HMCN1: variants seen among roughly 807,000 people sequenced by gnomAD.
The protein encoded by HMCN1 is hemicentin-1.
Under a neutral mutation model 625.9 loss-of-function variants are expected in HMCN1, and 321 were observed. The ratio of observed to expected loss-of-function variants is 0.51; its 90% CI spans 0.47 to 0.56. The LOEUF is 0.56. HMCN1 is among the 20% of genes least tolerant of loss of function. The pLI, the probability that HMCN1 is intolerant of heterozygous loss-of-function variation, is 0.00. For synonymous variants in HMCN1, 2,425 were observed against 2,417.6 expected (o/e 1.00, Z -0.09); for missense variants, 6,588 against 6,887.3 (o/e 0.96, Z 1.54).
At chr1:185,804,824 T>C (rs1659062269) in intron 1 of HMCN1, among the ~76,000 whole-genome samples, 1 of 152,124 alleles carries the variant, frequency 6.6e-6, no homozygotes, top group African/African-American at 2.4e-5. Context: ...CCTAAATCCC[T>C]GCTCTTTAAA....
chr1:185,963,218 A>G (rs562715892), intron 12 of HMCN1, among the ~76,000 whole-genome samples: 5 of 152,252 alleles, frequency 3.3e-5, no homozygotes, highest in Admixed American at 2.0e-4. Flanking sequence ...GTATCCAGCC[A>G]TGGGGCTTCC....
intron 15 of HMCN1, among the ~76,000 whole-genome samples, chr1:185,974,768 T>C (rs944551937): frequency 6.6e-6 from 1 of 152,200 alleles, no homozygotes; most frequent in African/African-American, 2.4e-5. Context: ...TTTGCCTTGT[T>C]TTGTGATACC....
At chr1:185,851,903 T>A (rs1325513947) in intron 2 of HMCN1, among the ~76,000 whole-genome samples, 1 of 151,938 alleles carries the variant, frequency 6.6e-6, no homozygotes. Context: ...AAATTGTTGA[T>A]CCCCCAAATC....
chr1:186,162,309 A>C (rs1253875012), intron 97 of HMCN1, among the ~76,000 whole-genome samples: 1 of 151,650 alleles, frequency 6.6e-6, no homozygotes, highest in Admixed American at 6.5e-5. Flanking sequence ...TATTCTAGTT[A>C]TACATTCATC....
At chr1:185,747,764 G>A (rs1654518011) in intron 1 of HMCN1, among the ~76,000 whole-genome samples, 1 of 152,186 alleles carries the variant, frequency 6.6e-6, no homozygotes, top group Non-Finnish European at 1.5e-5. Flanking sequence ...TTTTGACATT[G>A]TATACTCCCA....
chr1:186,160,050 C>T lies in HMCN1; in HGVS notation c.15257-5061C>T, dbSNP rs554468460. 7.2e-3 allele frequency among the ~76,000 whole-genome samples: 1,090 copies of T among 151,188 alleles called. 14 individuals are homozygous for T. Among genetic ancestry groups the T allele is most frequent in the African/African-American group, 0.024 (978 of 40,978 alleles). ...AATTCGGCTGTGAATCCATCTGGTC[C>T]TGGACTCTTTTTGGTTGGTAAGCTA... On this transcript the variant is annotated intron_variant, in intron 97 of 106. Coordinates refer to ENST00000271588, the MANE Select transcript of HMCN1 (RefSeq NM_031935.3).
At position 185,814,851 on chromosome 1, in the gene HMCN1, C is replaced by T. The variant is rs542485692; in HGVS notation, c.269-31175C>T. 6.0e-4 allele frequency among the ~76,000 whole-genome samples: 90 copies of T among 149,440 alleles called. 2 individuals are homozygous for T. Among genetic ancestry groups the T allele is most frequent in the Admixed American group, 1.8e-3 (28 of 15,168 alleles). The stretch of plus-strand genomic sequence containing the variant: ...GGACTACAGGCACACATCACCATGC[C>T]CGGCTAATTTTTGTATTTTTAGTAG... On this transcript the variant is annotated intron_variant, in intron 1 of 106. Coordinates refer to ENST00000271588, the MANE Select transcript of HMCN1 (RefSeq NM_031935.3).
At chr1:185,813,252 G>A (rs1366025883) in intron 1 of HMCN1, among the ~76,000 whole-genome samples, 1 of 152,080 alleles carries the variant, frequency 6.6e-6, no homozygotes, top group African/African-American at 2.4e-5. Flanking sequence ...GTAAATTAAT[G>A]TAATCACTGA....
rs146091862 is a variant in HMCN1 at position 185,888,661 on chromosome 1, G to C, written c.622-20676G>C. On this transcript the variant is annotated intron_variant, in intron 4 of 106. Transcript: ENST00000271588. ...TCTGAGGGCTCTGTTGTGTTCCATT[G>C]ATCTATCTCTCTGTTTTGGTACCAG... Among the ~76,000 whole-genome samples the C allele has an allele frequency of 5.9e-3, 866 of 147,484 alleles. 129 individuals carry two copies. Among genetic ancestry groups the C allele is most frequent in the African/African-American group, 0.022 (818 of 36,906 alleles).
rs763378453 is a variant in HMCN1, at chr1:186,166,794, T to C, written c.15440-14T>C. On this transcript the variant is annotated splice_polypyrimidine_tract_variant and intron_variant, in intron 99 of 106. Transcript: ENST00000271588. ...CTTCAGCTCACCTCAGTTGAATGAT[T>C]CCCTCTGTTGCAGATATTGATGAGT... The C allele has an allele frequency of 6.2e-7, 1 of 1,614,110 alleles. No homozygotes were observed.
chr1:186,136,583 CAAA>C, intron 86 of HMCN1, 82 bp from the exon 87 acceptor site: 1 of 1,277,998 alleles, frequency 7.8e-7, no homozygotes, highest in Admixed American at 1.8e-5. Context: ...TCACTTTTTT[CAAA>C]ATAATGTCGC....
intron 55 of HMCN1, among the ~76,000 whole-genome samples, chr1:186,079,232 C>T (rs1659018721): frequency 6.6e-6 from 1 of 152,168 alleles, no homozygotes; most frequent in Non-Finnish European, 1.5e-5. Flanking sequence ...AGCCGGCTCC[C>T]GTGCATAGCT....
chr1:185,791,964 G>T (rs1298118954), intron 1 of HMCN1, among the ~76,000 whole-genome samples: 2 of 152,176 alleles, frequency 1.3e-5, no homozygotes, highest in Admixed American at 6.5e-5. Flanking sequence ...CTGGTGGGTA[G>T]ATGGATTAAT....
At chr1:185,985,734 G>A (rs973697150) in intron 19 of HMCN1, among the ~76,000 whole-genome samples, 6 of 152,166 alleles carry the variant, frequency 3.9e-5, no homozygotes, top group Non-Finnish European at 7.4e-5. Context: ...ATGCAGCCTA[G>A]CAGCTCTCTA....
intron 1 of HMCN1, among the ~76,000 whole-genome samples, chr1:185,769,335 C>T (rs1656075043): frequency 6.6e-6 from 1 of 152,080 alleles, no homozygotes; most frequent in Non-Finnish European, 1.5e-5. Context: ...GTTGCCCCAG[C>T]TACTCAGAAG....
At chr1:185,922,808 C>G (rs1667067031) in intron 7 of HMCN1, among the ~76,000 whole-genome samples, 1 of 152,152 alleles carries the variant, frequency 6.6e-6, no homozygotes, top group East Asian at 1.9e-4. Flanking sequence ...TATTCTTACA[C>G]TTACTAAATT....
intron 97 of HMCN1, among the ~76,000 whole-genome samples, chr1:186,154,286 A>C (rs1338123575): frequency 6.6e-6 from 1 of 152,210 alleles, no homozygotes; most frequent in Admixed American, 6.5e-5. Flanking sequence ...TCATGCCTGT[A>C]ATCCCAGCAC....
At chr1:185,892,645 A>T (rs1321041357) in intron 4 of HMCN1, among the ~76,000 whole-genome samples, 1 of 152,116 alleles carries the variant, frequency 6.6e-6, no homozygotes, top group Non-Finnish European at 1.5e-5. Flanking sequence ...TCAGGGACCC[A>T]CTTGAGGAGG....
intron 105 of HMCN1, among the ~76,000 whole-genome samples, chr1:186,186,994 TCACA>T (rs371455899): frequency 0.056 from 7,548 of 134,522 alleles, 238 homozygotes; most frequent in Non-Finnish European, 0.064. Context: ...TGTCTCTGTC[TCACA>T]CACACACACA....
Sources: gnomAD v4.1 joint callset for allele counts (sites outside exome capture counted in the v4.1 genomes callset) on GRCh38, gnomAD v4.1.1 for gene constraint, MANE v1.5 for transcripts, NCBI Gene and HGNC (gene_info 2026-07-23, HGNC 2026-07-21) for gene names.